SEMA5A: variants seen among roughly 807,000 people sequenced by gnomAD.
SEMA5A encodes semaphorin 5A, also known as semaphorin-5A.
Under a neutral mutation model 135.5 loss-of-function variants are expected in SEMA5A, and 55 were observed. That is an observed-to-expected ratio of 0.41 (90% CI 0.33 to 0.51). SEMA5A has a LOEUF of 0.51. Among genes scored for constraint, SEMA5A ranks in the 20% least tolerant of loss-of-function variants. The pLI, the probability that SEMA5A is intolerant of heterozygous loss-of-function variation, is 0.37. For missense variants in SEMA5A, 1,290 were observed against 1,419.9 expected, an observed-to-expected ratio of 0.91 and a Z score of 1.47; for synonymous variants, 580 against 546.5, an observed-to-expected ratio of 1.06 and a Z score of -0.85.
chr5:9,237,123 T>A (rs1308479738), intron 6 of SEMA5A, among the ~76,000 whole-genome samples: 1 of 152,152 alleles, frequency 6.6e-6, no homozygotes, highest in Admixed American at 6.6e-5. Flanking sequence ...TGCTCCAATA[T>A]AAAGTAAGAA....
At chr5:9,494,051 C>T (rs1735173804) in intron 1 of SEMA5A, among the ~76,000 whole-genome samples, 1 of 152,144 alleles carries the variant, frequency 6.6e-6, no homozygotes, top group Admixed American at 6.5e-5. Flanking sequence ...ACCTGTACTT[C>T]AAAATGTTCT....
At chr5:9,465,776 A>G (rs1759234593) in intron 1 of SEMA5A, among the ~76,000 whole-genome samples, 1 of 152,222 alleles carries the variant, frequency 6.6e-6, no homozygotes. Flanking sequence ...TTCTCCATCT[A>G]TATTCCACTG....
chr5:9,485,879 G>A (rs1396421478), intron 1 of SEMA5A, among the ~76,000 whole-genome samples: 1 of 152,106 alleles, frequency 6.6e-6, no homozygotes, highest in Admixed American at 6.6e-5. Flanking sequence ...TTTAAAAGTA[G>A]TGTAATTAAT....
chr5:9,206,024 GGAT>G (rs1745995475), intron 8 of SEMA5A, among the ~76,000 whole-genome samples: 1 of 152,206 alleles, frequency 6.6e-6, no homozygotes, highest in Non-Finnish European at 1.5e-5. Context: ...TTGCCAGGCA[GGAT>G]GATAAGATGA....
intron 1 of SEMA5A, among the ~76,000 whole-genome samples, chr5:9,504,318 GA>G (rs796220539): frequency 1.3e-5 from 2 of 148,370 alleles, no homozygotes; most frequent in African/African-American, 5.0e-5. Context: ...ATAAAACCAA[GA>G]AAAAAAGTTT....
chr5:9,463,348 A>G (rs959237379), intron 1 of SEMA5A, among the ~76,000 whole-genome samples: 1 of 152,214 alleles, frequency 6.6e-6, no homozygotes, highest in African/African-American at 2.4e-5. Context: ...CCCTCCATAC[A>G]CTTATGGTAT....
chr5:9,498,538 C>T lies in SEMA5A; in HGVS notation c.-175+47046G>A, dbSNP rs1225149277. ...TGCTCAGACTACTGTATGGATGCTACGTGGAAGGTGGTTGATCATTGAGGG... is the reference window on the plus strand; with the variant it reads ...TGCTCAGACTACTGTATGGATGCTATGTGGAAGGTGGTTGATCATTGAGGG... On this transcript the variant is annotated intron_variant, in intron 1 of 22. Transcript: ENST00000382496. The T allele has an allele frequency of 3.3e-5, 5 of 152,020 alleles. 1 individual carries two copies. Among genetic ancestry groups the T allele is most frequent in the Admixed American group, 2.0e-4 (3 of 15,246 alleles). 9.4% of individuals were successfully genotyped at this position (152,020 alleles called of 1,614,324 possible).
chr5:9,157,223 C>T (rs969355628), intron 11 of SEMA5A, among the ~76,000 whole-genome samples: 1 of 152,212 alleles, frequency 6.6e-6, no homozygotes, highest in African/African-American at 2.4e-5. Flanking sequence ...CTGCCTGTGC[C>T]CTGCCCTTGT....
intron 2 of SEMA5A, among the ~76,000 whole-genome samples, chr5:9,436,000 A>G (rs1758015508): frequency 6.6e-6 from 1 of 152,198 alleles, no homozygotes; most frequent in Admixed American, 6.5e-5. Context: ...TTAGTGCTAA[A>G]AGGCAGTTTT....
At chr5:9,477,594 T>C (rs901862821) in intron 1 of SEMA5A, among the ~76,000 whole-genome samples, 3 of 152,212 alleles carry the variant, frequency 2.0e-5, no homozygotes, top group African/African-American at 7.2e-5. Context: ...AAGAGACTGG[T>C]GGCATTGTGC....
At chr5:9,485,728 TG>T (rs776098417) in intron 1 of SEMA5A, among the ~76,000 whole-genome samples, 66 of 152,180 alleles carry the variant, frequency 4.3e-4, no homozygotes, top group Non-Finnish European at 4.0e-4. Flanking sequence ...TCCAATTATA[TG>T]GAAAGCAAAA....
intron 1 of SEMA5A, among the ~76,000 whole-genome samples, chr5:9,451,211 C>T (rs992670591): frequency 9.9e-5 from 15 of 152,198 alleles, no homozygotes; most frequent in Non-Finnish European, 1.8e-4. Flanking sequence ...TAAAATCTGT[C>T]TCTGTCTCCT....
At chr5:9,224,918 A>G in intron 7 of SEMA5A, 31 bp from the exon 8 acceptor site, 1 of 1,578,926 alleles carries the variant, frequency 6.3e-7, no homozygotes, top group Non-Finnish European at 8.7e-7. Flanking sequence ...GAAAGCAGTT[A>G]TCTCTGCACA....
At chr5:9,044,102 T>C (rs112248571) in intron 22 of SEMA5A, among the ~76,000 whole-genome samples, 1 of 152,080 alleles carries the variant, frequency 6.6e-6, no homozygotes, top group Non-Finnish European at 1.5e-5. Context: ...TTAAGCAGGG[T>C]CCAAGGGGAA....
chr5:9,155,975 A>T (rs1390611769), intron 11 of SEMA5A, among the ~76,000 whole-genome samples: 3 of 152,222 alleles, frequency 2.0e-5, no homozygotes, highest in Non-Finnish European at 4.4e-5. Context: ...TTTTAAGCTA[A>T]CTGGTTAAAT....
chr5:9,471,291 T>C (rs1759469078), intron 1 of SEMA5A, among the ~76,000 whole-genome samples: 1 of 152,208 alleles, frequency 6.6e-6, no homozygotes, highest in Admixed American at 6.5e-5. Flanking sequence ...AGGACCCTTC[T>C]TGGGAGTGTC....
At chr5:9,374,517 T>C (rs2126453440) in intron 3 of SEMA5A, among the ~76,000 whole-genome samples, 1 of 152,250 alleles carries the variant, frequency 6.6e-6, no homozygotes, top group East Asian at 1.9e-4. Context: ...TTTCTTGGAA[T>C]GGTGCCTTAC....
Position 9,370,278 on chromosome 5 carries a change from T to C in SEMA5A, c.124+9545A>G, listed in dbSNP as rs535154220. Among the ~76,000 whole-genome samples, 368 of 152,310 alleles carry C rather than the reference T, an allele frequency of 2.4e-3. 1 individual carries two copies. The highest frequency in any genetic ancestry group is 7.2e-3 in the African/African-American group (298 of 41,568). On this transcript the variant is annotated intron_variant, in intron 3 of 22. Transcript: ENST00000382496. ...TTCCTGGCGTCAGGGTCTTGCTTCA[T>C]TGATTTTAGTTAGCAGGGTTTGCAG...
intron 5 of SEMA5A, among the ~76,000 whole-genome samples, chr5:9,247,089 C>T (rs1414317687): frequency 2.0e-5 from 3 of 152,258 alleles, no homozygotes; most frequent in African/African-American, 4.8e-5. Context: ...TAGAAAACGA[C>T]GCCAGCAACC....
Sources: allele counts gnomAD v4.1 joint callset (sites outside exome capture counted in the v4.1 genomes callset), GRCh38; gene constraint gnomAD v4.1.1; transcripts MANE v1.5; gene names NCBI Gene and HGNC (gene_info 2026-07-23, HGNC 2026-07-21).